STPG2: variants seen among roughly 807,000 people sequenced by gnomAD.
The protein encoded by STPG2 is sperm tail PG-rich repeat containing 2, also known as sperm-tail PG-rich repeat-containing protein 2.
In STPG2, 56 loss-of-function variants were observed where a neutral mutation model predicts 54.2. The observed-to-expected ratio is 1.03, with a 90% CI of 0.83 to 1.29. The LOEUF (loss-of-function observed/expected upper bound fraction) is 1.29. Ranked by LOEUF, STPG2 falls within the 50% of genes most tolerant of loss-of-function variation. The pLI, the probability that STPG2 is intolerant of heterozygous loss-of-function variation, is 0.00. For synonymous variants in STPG2, 200 were observed against 181.8 expected (o/e 1.10, Z -0.81); for missense variants, 596 against 544.9 (o/e 1.09, Z -0.93).
At chr4:97,448,868 A>C (rs1293784286) in intron 4 of STPG2, among the ~76,000 whole-genome samples, 1 of 152,196 alleles carries the variant, frequency 6.6e-6, no homozygotes, top group African/African-American at 2.4e-5. Context: ...TCAGAACAGT[A>C]TGCCTTAAAA....
chr4:97,777,070 G>C (rs1341493121), intron 9 of STPG2, among the ~76,000 whole-genome samples: 1 of 152,116 alleles, frequency 6.6e-6, no homozygotes, highest in Non-Finnish European at 1.5e-5. Context: ...AAATATATTA[G>C]GTTGTGATGA....
chr4:97,738,013 T>G (rs1270081482), intron 9 of STPG2, among the ~76,000 whole-genome samples: 1 of 152,164 alleles, frequency 6.6e-6, no homozygotes. Flanking sequence ...AGCGGATCTC[T>G]TGGCAGAAAC....
At chr4:97,526,090 C>T (rs1240785856) in intron 4 of STPG2, among the ~76,000 whole-genome samples, 1 of 152,004 alleles carries the variant, frequency 6.6e-6, no homozygotes, top group Non-Finnish European at 1.5e-5. Context: ...CAACACACTG[C>T]TTAGCAGTAA....
At chr4:97,928,738 G>A (rs1279649050) in intron 8 of STPG2, among the ~76,000 whole-genome samples, 2 of 151,882 alleles carry the variant, frequency 1.3e-5, no homozygotes, top group Non-Finnish European at 2.9e-5. Context: ...TGTTAACTCT[G>A]CATTATGAAA....
chr4:97,451,568 G>A (rs190513885), intron 4 of STPG2, among the ~76,000 whole-genome samples: 7 of 152,248 alleles, frequency 4.6e-5, no homozygotes, highest in Non-Finnish European at 8.8e-5. Flanking sequence ...GGATCACCTT[G>A]TACTTGAGAA....
At chr4:97,480,758 T>G (rs1027018155) in intron 4 of STPG2, among the ~76,000 whole-genome samples, 1 of 151,780 alleles carries the variant, frequency 6.6e-6, no homozygotes, top group East Asian at 1.9e-4. Context: ...TTTTGCTTAC[T>G]TTAGTTTTTG....
chr4:97,859,637 G>GT, intron 8 of STPG2, among the ~76,000 whole-genome samples: 1 of 151,774 alleles, frequency 6.6e-6, no homozygotes, highest in East Asian at 1.9e-4. Flanking sequence ...GCTAATTTTT[G>GT]TATTTTTAGT....
chr4:97,507,525 G>A (rs1450625152), intron 4 of STPG2, among the ~76,000 whole-genome samples: 1 of 152,004 alleles, frequency 6.6e-6, no homozygotes, highest in Non-Finnish European at 1.5e-5. Flanking sequence ...AGCCAAAGTT[G>A]GTGCAAATCC....
intron 7 of STPG2, among the ~76,000 whole-genome samples, chr4:97,956,693 G>A (rs146539339): frequency 1.9e-3 from 293 of 152,220 alleles, no homozygotes; most frequent in African/African-American, 6.9e-3. Context: ...AGACCTGATG[G>A]GTGGCTGGAT....
At chr4:97,668,736 G>C (rs1722604223) in intron 10 of STPG2, among the ~76,000 whole-genome samples, 2 of 141,372 alleles carry the variant, frequency 1.4e-5, no homozygotes, top group South Asian at 2.4e-4. Context: ...GTTGATATCA[G>C]GATTTCTAAT....
At chr4:97,705,702 C>T (rs1315862170) in intron 10 of STPG2, among the ~76,000 whole-genome samples, 1 of 151,752 alleles carries the variant, frequency 6.6e-6, no homozygotes, top group Non-Finnish European at 1.5e-5. Flanking sequence ...ATATTGGTAC[C>T]TTTCACCTAT....
chr4:97,940,918 A>G (rs553271126), intron 8 of STPG2, among the ~76,000 whole-genome samples: 3 of 152,202 alleles, frequency 2.0e-5, no homozygotes, highest in African/African-American at 4.8e-5. Flanking sequence ...GTTCATATTC[A>G]TCTTTGTCTT....
At chr4:97,638,811 G>A (rs1270748960) in intron 10 of STPG2, among the ~76,000 whole-genome samples, 1 of 145,932 alleles carries the variant, frequency 6.9e-6, no homozygotes, top group East Asian at 2.0e-4. Flanking sequence ...TCTCACACCA[G>A]TTAGAATGGC....
At chr4:97,937,877 C>T (rs1303068970) in intron 8 of STPG2, among the ~76,000 whole-genome samples, 1 of 152,176 alleles carries the variant, frequency 6.6e-6, no homozygotes, top group Admixed American at 6.5e-5. Flanking sequence ...GCGCAGGAAC[C>T]AAGACCCATT....
chr4:98,037,618 A>C (rs961198921), intron 5 of STPG2, among the ~76,000 whole-genome samples: 1 of 152,036 alleles, frequency 6.6e-6, no homozygotes, highest in African/African-American at 2.4e-5. Flanking sequence ...GAAAGAGGAA[A>C]GGAGTAAGGG....
chr4:97,823,161 C>G (rs1728138427), intron 9 of STPG2, among the ~76,000 whole-genome samples: 1 of 152,142 alleles, frequency 6.6e-6, no homozygotes, highest in Admixed American at 6.5e-5. Context: ...CTACACTATG[C>G]AAAAGATTTT....
intron 10 of STPG2, among the ~76,000 whole-genome samples, chr4:97,561,271 G>C (rs1398010333): frequency 6.6e-6 from 1 of 152,028 alleles, no homozygotes; most frequent in African/African-American, 2.4e-5. Flanking sequence ...GTCTGTTCAT[G>C]TCCTTTGCCC....
intron 4 of STPG2, among the ~76,000 whole-genome samples, chr4:97,530,395 A>T (rs1277985533): frequency 6.6e-6 from 1 of 152,222 alleles, no homozygotes; most frequent in African/African-American, 2.4e-5. Context: ...TATGTTTTAT[A>T]TCACTGAGTC....
At chr4:97,634,092 G>C (rs1560695048) in intron 10 of STPG2, among the ~76,000 whole-genome samples, 1 of 152,154 alleles carries the variant, frequency 6.6e-6, no homozygotes, top group South Asian at 2.1e-4. Flanking sequence ...AAATGTCCCT[G>C]TCTGACAGCT....
Sources: gnomAD v4.1 joint callset for allele counts (sites outside exome capture counted in the v4.1 genomes callset) on GRCh38, gnomAD v4.1.1 for gene constraint, MANE v1.5 for transcripts, NCBI Gene and HGNC (gene_info 2026-07-23, HGNC 2026-07-21) for gene names.